The following STK10 variants were observed in gnomAD, a reference collection of about 807,000 sequenced individuals.
STK10 encodes serine/threonine kinase 10.
Under a neutral mutation model 113.8 loss-of-function variants are expected in STK10, and 78 were observed. The ratio of observed to expected loss-of-function variants is 0.69; its 90% confidence interval spans 0.57 to 0.83. The LOEUF (loss-of-function observed/expected upper bound fraction) is 0.83. Among genes scored for constraint, STK10 ranks in the 40% least tolerant of loss-of-function variants. The pLI is 0.00. For missense variants in STK10, 1,109 were observed against 1,280.1 expected (o/e 0.87, Z 2.04); for synonymous variants, 465 against 494.7 (o/e 0.94, Z 0.80).
intron 18 of STK10, among the ~76,000 whole-genome samples, chr5:172,048,231 T>G (rs1767537571): frequency 6.6e-6 from 1 of 152,088 alleles, no homozygotes; most frequent in Non-Finnish European, 1.5e-5. Flanking sequence ...ATCATGTGGG[T>G]GGGCCTCAAT....
intron 18 of STK10, among the ~76,000 whole-genome samples, chr5:172,047,848 A>G (rs1350398965): frequency 1.4e-5 from 2 of 147,990 alleles, no homozygotes; most frequent in Admixed American, 6.7e-5. Flanking sequence ...ACCTTGCAGT[A>G]TTGATAGCTT....
Position 172,087,821 on chromosome 5 carries a change from G to A in STK10, c.1685+2411C>T, listed in dbSNP as rs1372489408. On this transcript the variant is annotated intron_variant, in intron 10 of 18. Transcript: ENST00000176763. Reference sequence around the variant, plus strand: ...TTTTTTGTATTTTTAGTAGAGACGGGGTTTCACCTTGTTAGCCAGGATGGT... The same window carrying A: ...TTTTTTGTATTTTTAGTAGAGACGGAGTTTCACCTTGTTAGCCAGGATGGT... Among the ~76,000 whole-genome samples, 2 of 110,876 alleles carry A rather than the reference G, an allele frequency of 1.8e-5. 1 individual carries two copies. Among genetic ancestry groups the A allele is most frequent in the Non-Finnish European group, 3.8e-5 (2 of 53,048 alleles). The allele number at this position is 110,876 out of a possible 152,430, so 72.7% of individuals were successfully genotyped here.
intron 6 of STK10, among the ~76,000 whole-genome samples, chr5:172,106,412 AAAAAAAG>A (rs1188840150): frequency 2.1e-5 from 3 of 144,646 alleles, no homozygotes; most frequent in Admixed American, 1.4e-4. Context: ...AAAAAAAAAA[AAAAAAAG>A]GAACACAAAG....
In STK10 at chr5:172,187,779, G is replaced by T. The variant is rs1318497767; in HGVS notation, c.156+108C>A. On this transcript the variant is annotated intron_variant, in intron 1 of 18. Coordinates refer to ENST00000176763, the MANE Select transcript of STK10 (RefSeq NM_005990.4). This position sits in a 1 kb window ranked among gnomAD's most constrained non-coding sequence, Gnocchi z 4.6. Reference sequence around the variant, plus strand: ...GAGGGCCAGGGACCCCGAATTCAGCGCCGGGCAGCCCTCGGAGCCGGAGCC... The same window carrying T: ...GAGGGCCAGGGACCCCGAATTCAGCTCCGGGCAGCCCTCGGAGCCGGAGCC... 6.8e-6 allele frequency: 10 copies of T among 1,479,440 alleles called. No individual in the cohort carries two copies. Among genetic ancestry groups the T allele is most frequent in the African/African-American group, 1.4e-5 (1 of 70,672 alleles). The allele number at this position is 1,479,440 out of a possible 1,614,324, so 91.6% of individuals were successfully genotyped here. A position where few individuals can be genotyped will look rare whatever the true frequency, so the allele number is the denominator to read the frequency against.
chr5:172,167,549 G>A (rs2113829656), intron 1 of STK10, among the ~76,000 whole-genome samples: 1 of 152,312 alleles, frequency 6.6e-6, no homozygotes, highest in South Asian at 2.1e-4. Flanking sequence ...GACTGGGACT[G>A]GTGCAAATAA....
chr5:172,106,149 G>A (rs114961886), intron 6 of STK10, among the ~76,000 whole-genome samples: 5,958 of 152,052 alleles, frequency 0.039, 367 homozygotes, highest in African/African-American at 0.13. Flanking sequence ...GGTAGCTCAC[G>A]CCTGTAATTC....
At chr5:172,060,566 T>C (rs1379764638) in intron 14 of STK10, among the ~76,000 whole-genome samples, 4 of 152,232 alleles carry the variant, frequency 2.6e-5, no homozygotes, top group Non-Finnish European at 5.9e-5. Context: ...ACCACAAATG[T>C]GCTGGCACCC....
At chr5:172,069,079 A>G (rs957177393) in intron 12 of STK10, among the ~76,000 whole-genome samples, 1 of 152,220 alleles carries the variant, frequency 6.6e-6, no homozygotes, top group African/African-American at 2.4e-5. Context: ...CACATAAAAT[A>G]TAAACTAATT....
At chr5:172,069,235 A>G (rs920123926) in intron 12 of STK10, among the ~76,000 whole-genome samples, 1 of 152,234 alleles carries the variant, frequency 6.6e-6, no homozygotes, top group African/African-American at 2.4e-5. Flanking sequence ...ACTAAAAAAC[A>G]AAGATTTTCA....
intron 3 of STK10, among the ~76,000 whole-genome samples, chr5:172,122,139 C>T (rs1769524917): frequency 6.6e-6 from 1 of 152,090 alleles, no homozygotes; most frequent in South Asian, 2.1e-4. Flanking sequence ...GTGCTGGGAT[C>T]ACAGGTGTGA....
At chr5:172,072,659 C>T (rs1456211127) in intron 12 of STK10, among the ~76,000 whole-genome samples, 1 of 152,176 alleles carries the variant, frequency 6.6e-6, no homozygotes, top group Non-Finnish European at 1.5e-5. Flanking sequence ...CTATTGCTAG[C>T]ATCATACTTA....
intron 12 of STK10, among the ~76,000 whole-genome samples, chr5:172,073,142 ATTAT>A (rs945303618): frequency 1.3e-5 from 2 of 151,746 alleles, no homozygotes; most frequent in Admixed American, 6.6e-5. Flanking sequence ...CACCCAGCTA[ATTAT>A]TTATTTATTT....
At position 172,188,201 on chromosome 5, in the gene STK10, C is replaced by G; in HGVS notation, c.-159G>C. 1 of 1,281,174 alleles carries G rather than the reference C, an allele frequency of 7.8e-7. No individual in the cohort carries two copies. The highest frequency in any genetic ancestry group is 1.0e-6 in the Non-Finnish European group (1 of 976,062). The allele number at this position is 1,281,174 out of a possible 1,614,324, so 79.4% of individuals were successfully genotyped here. On this transcript the variant is annotated 5_prime_UTR_variant, in exon 1 of 19. Transcript: ENST00000176763. This position sits in a 1 kb window ranked among gnomAD's most constrained non-coding sequence, Gnocchi z 5.6. ...GCAGCCCGACCTCGGTCAAGTGTGC[C>G]CTGGGCAGCGCCGCGCCGGGAGCAC...
chr5:172,118,381 G>A (rs1237969386), intron 3 of STK10, among the ~76,000 whole-genome samples: 1 of 152,172 alleles, frequency 6.6e-6, no homozygotes, highest in Non-Finnish European at 1.5e-5. Context: ...ACATGGAAAC[G>A]GTGAGTGACA....
intron 2 of STK10, among the ~76,000 whole-genome samples, chr5:172,131,086 T>G (rs936207169): frequency 7.1e-6 from 1 of 140,844 alleles, no homozygotes; most frequent in African/African-American, 2.8e-5. Context: ...CAGGCTGGAG[T>G]GCAGTGGCGC....
chr5:172,093,628 CT>C lies in STK10; in HGVS notation c.1337del (p.Lys446ArgfsTer63). The C allele has an allele frequency of 6.2e-7, 1 of 1,614,254 alleles. No homozygotes were observed. The highest frequency in any genetic ancestry group is 8.5e-7 in the Non-Finnish European group (1 of 1,180,044). On this transcript the variant is annotated frameshift_variant, in exon 9 of 19. Transcript: ENST00000176763. LOFTEE classifies it high-confidence loss of function. The surrounding 1 kb of genome is among the most constrained non-coding windows in gnomAD (Gnocchi z 4.1). ...TGCTGTTGGGCCGGCTCTGGCTGGC[CT>C]TTTGAGATCTGTTGGCTGCTGGGCT... ...DLSPAANRSQ[K>X]ASQSRPNSSA...
At chr5:172,084,546 A>T (rs1768509277) in intron 10 of STK10, among the ~76,000 whole-genome samples, 1 of 152,126 alleles carries the variant, frequency 6.6e-6, no homozygotes, top group Non-Finnish European at 1.5e-5. Context: ...GTACACACAT[A>T]TATGTATTGT....
chr5:172,057,468 C>T lies in STK10; in HGVS notation c.2218G>A (p.Glu740Lys). ...TCTTCCATCTCCCACAGGGCTGCTT[C>T]CCGGTCTGCAGAGGACATGCCACCG... ...MKKQELLRDR[E>K]AALWEMEEHQ... The change falls in exon 15 of 19, where the codon GAA becomes AAA. Residue 740 changes from glutamate (E) to lysine (K), a missense_variant. Coordinates refer to ENST00000176763, the MANE Select transcript of STK10 (RefSeq NM_005990.4). The T allele has an allele frequency of 6.5e-7, 1 of 1,550,214 alleles. No homozygotes were observed. The highest frequency in any genetic ancestry group is 8.7e-7 in the Non-Finnish European group (1 of 1,147,102).
chr5:172,147,901 G>A (rs904259094), intron 2 of STK10, among the ~76,000 whole-genome samples: 5 of 152,310 alleles, frequency 3.3e-5, no homozygotes, highest in Admixed American at 2.6e-4. Flanking sequence ...TAAGGGCTAT[G>A]GGAGTTATGA....
Sources: gnomAD v4.1 joint callset for allele counts (sites outside exome capture counted in the v4.1 genomes callset) on GRCh38, gnomAD v4.1.1 for gene constraint, Gnocchi (gnomAD v3.1) non-coding constraint, MANE v1.5 for transcripts, NCBI Gene and HGNC (gene_info 2026-07-23, HGNC 2026-07-21) for gene names.